The following JADE2 variants were observed in gnomAD, a reference collection of about 807,000 sequenced individuals.
JADE2 encodes the protein E3 ubiquitin-protein ligase Jade-2.
In JADE2, 13 loss-of-function variants were observed where a neutral mutation model predicts 85.7. The observed-to-expected ratio is 0.15, with a 90% CI of 0.10 to 0.24. The LOEUF is 0.24. Ranked by LOEUF, JADE2 falls within the 10% of genes least tolerant of loss-of-function variation. The pLI is 1.00. For missense variants in JADE2, 846 were observed against 1,115.9 expected, an observed-to-expected ratio of 0.76 and a Z score of 3.45; for synonymous variants, 440 against 456.1, an observed-to-expected ratio of 0.96 and a Z score of 0.45.
At chr5:134,525,640 T>C, upstream of JADE2, 1 of 864,148 alleles carries the variant, frequency 1.2e-6, no homozygotes, top group Non-Finnish European at 1.5e-6. Flanking sequence ...TCTAAAGAGA[T>C]CACAAGGAAG....
chr5:134,559,339 G>A (rs568066378), intron 4 of JADE2, among the ~76,000 whole-genome samples: 89 of 152,276 alleles, frequency 5.8e-4, no homozygotes, highest in African/African-American at 1.7e-3. Context: ...TGCCTTGTCC[G>A]CAGCCTTGAA....
At chr5:134,573,242 C>G (rs1581481191) in intron 9 of JADE2, among the ~76,000 whole-genome samples, 1 of 152,128 alleles carries the variant, frequency 6.6e-6, no homozygotes, top group Admixed American at 6.5e-5. Context: ...CTGGTGAGAC[C>G]CTGATGAGTC....
chr5:134,562,228 C>G lies in JADE2; in HGVS notation c.713C>G (p.Thr238Arg). Residue 238 changes from threonine (T) to arginine (R), a missense_variant, in exon 7 of 12, where the codon ACG (threonine) becomes AGG (arginine). Physicochemically the swap from Thr to Arg is moderately conservative, Grantham distance 71. Transcript: ENST00000681547. This position sits in a 1 kb window ranked among gnomAD's most constrained non-coding sequence, Gnocchi z 4.6. The stretch of plus-strand genomic sequence containing the variant: ...TGCTACGGGATCCTCAAGGTGCCCA[C>G]GGGCAGCTGGCTGTGCCGGACGTGT... ...QACYGILKVPTGSWLCRTCAL... is the reference protein window; with the variant it reads ...QACYGILKVPRGSWLCRTCAL... 6.2e-7 allele frequency: 1 copy of G among 1,613,258 alleles called. No homozygotes were observed.
intron 11 of JADE2, among the ~76,000 whole-genome samples, chr5:134,577,436 C>T (rs773529956): frequency 6.6e-6 from 1 of 152,240 alleles, no homozygotes; most frequent in Non-Finnish European, 1.5e-5. Flanking sequence ...ACCTCACGTG[C>T]TTCCTCCAGA....
chr5:134,539,561 A>G (rs1375097447), intron 3 of JADE2, among the ~76,000 whole-genome samples: 2 of 152,232 alleles, frequency 1.3e-5, no homozygotes, highest in African/African-American at 2.4e-5. Flanking sequence ...CTGGGGCTGG[A>G]CACTCCTTTT....
At chr5:134,563,272 C>G (rs1162392104) in intron 7 of JADE2, among the ~76,000 whole-genome samples, 1 of 151,254 alleles carries the variant, frequency 6.6e-6, no homozygotes, top group African/African-American at 2.4e-5. Flanking sequence ...GAGCCGAGAT[C>G]GCGCCACTGC....
chr5:134,563,897 G>A (rs1763479280), intron 7 of JADE2, among the ~76,000 whole-genome samples: 1 of 152,154 alleles, frequency 6.6e-6, no homozygotes, highest in African/African-American at 2.4e-5. Context: ...AATGTGCCCT[G>A]CCTCTGGGCT....
rs1561764326 is a variant in JADE2, at chr5:134,573,747, C to G, written c.1537C>G (p.Gln513Glu). ...CCACCTGCAGATGAAACTTATTGAA[C>G]AGGATCTGTGTCGAGGTAGGCGCCT... The part of the protein sequence containing the change: ...IFHLQMKLIE[Q>E]DLCRERSGRR... The change falls in exon 10 of 12, where the codon CAG becomes GAG. Residue 513 changes from glutamine (Q) to glutamate (E), a missense_variant. Coordinates refer to ENST00000681547, the MANE Select transcript of JADE2 (RefSeq NM_001388185.1). The G allele has an allele frequency of 1.2e-6, 2 of 1,609,870 alleles. No homozygotes were observed. Among genetic ancestry groups the G allele is most frequent in the Admixed American group, 1.7e-5 (1 of 60,020 alleles).
chr5:134,533,274 C>T (rs1253567751), intron 1 of JADE2, among the ~76,000 whole-genome samples: 1 of 152,218 alleles, frequency 6.6e-6, no homozygotes, highest in Non-Finnish European at 1.5e-5. Context: ...GGGCTTTACA[C>T]TGTTCTTATT....
chr5:134,556,098 G>A (rs141097564), intron 4 of JADE2, among the ~76,000 whole-genome samples: 255 of 152,278 alleles, frequency 1.7e-3, no homozygotes, highest in African/African-American at 5.7e-3. Context: ...GCTCTGCCAT[G>A]TCTCTGTGCC....
rs541585196 is a variant in JADE2, at chr5:134,537,881, C to T, written c.59-108C>T. On this transcript the variant is annotated intron_variant, in intron 2 of 11. Transcript: ENST00000681547. ...CTAGGTCTCACAGAGGTTTCTCCCTCATGAACATTCTAGCCGGGGCTTTGC... is the reference window on the plus strand; with the variant it reads ...CTAGGTCTCACAGAGGTTTCTCCCTTATGAACATTCTAGCCGGGGCTTTGC... 45 of 790,552 alleles carry T rather than the reference C, an allele frequency of 5.7e-5. No individual in the cohort carries two copies. In the African/African-American group the frequency reaches 7.4e-4, roughly 13 times the overall value. The allele number at this position is 790,552 out of a possible 1,614,324, so 49.0% of individuals were successfully genotyped here.
intron 3 of JADE2, among the ~76,000 whole-genome samples, chr5:134,542,895 G>C (rs1762056972): frequency 6.6e-6 from 1 of 151,988 alleles, no homozygotes; most frequent in Admixed American, 6.6e-5. Flanking sequence ...ACCATGCCGG[G>C]CTAATTTTTG....
chr5:134,540,240 A>G (rs1239421094), intron 3 of JADE2, among the ~76,000 whole-genome samples: 1 of 151,364 alleles, frequency 6.6e-6, no homozygotes, highest in Non-Finnish European at 1.5e-5. Flanking sequence ...TACTTTTGAG[A>G]CAAGGTCTCC....
chr5:134,540,834 G>A (rs1045643770), intron 3 of JADE2, among the ~76,000 whole-genome samples: 1 of 152,160 alleles, frequency 6.6e-6, no homozygotes, highest in African/African-American at 2.4e-5. Context: ...GTGGGAGGAT[G>A]GGCCACCTCC....
At chr5:134,577,123 T>C (rs1406992706) in intron 11 of JADE2, 1 of 517,928 alleles carries the variant, frequency 1.9e-6, no homozygotes, top group Non-Finnish European at 3.3e-6. Flanking sequence ...TAGACCTGGA[T>C]GGAGGCTGGG....
intron 1 of JADE2, chr5:134,533,736 CTT>C (rs70976536): frequency 1.7e-3 from 196 of 112,746 alleles, no homozygotes; most frequent in African/African-American, 6.5e-3. Flanking sequence ...CACACTCTCT[CTT>C]TTTTTTTTTT....
intron 1 of JADE2, among the ~76,000 whole-genome samples, chr5:134,534,373 C>G (rs969681493): frequency 6.6e-6 from 1 of 152,022 alleles, no homozygotes; most frequent in Admixed American, 6.6e-5. Flanking sequence ...CCACCAGTGT[C>G]CCTTGGAACC....
chr5:134,576,611 C>T (rs1764380126), intron 10 of JADE2, among the ~76,000 whole-genome samples, 157 bp from the exon 11 acceptor site: 1 of 152,184 alleles, frequency 6.6e-6, no homozygotes, highest in Admixed American at 6.5e-5. Context: ...GTTGGTCCAC[C>T]CCACCATGCC....
At chr5:134,542,553 T>C (rs1762030506) in intron 3 of JADE2, among the ~76,000 whole-genome samples, 1 of 151,308 alleles carries the variant, frequency 6.6e-6, no homozygotes, top group South Asian at 2.1e-4. Context: ...GTGATTCTCC[T>C]GCCTCAGCCT....
Sources: allele counts gnomAD v4.1 joint callset (sites outside exome capture counted in the v4.1 genomes callset), GRCh38; gene constraint gnomAD v4.1.1; non-coding constraint Gnocchi (gnomAD v3.1); transcripts MANE v1.5; gene names NCBI Gene and HGNC (gene_info 2026-07-23, HGNC 2026-07-21).